The following LINGO2 variants were observed in gnomAD, a reference collection of about 807,000 sequenced individuals.
LINGO2 encodes leucine-rich repeat and immunoglobulin-like domain-containing nogo receptor-interacting protein 2.
Under a neutral mutation model 30.6 loss-of-function variants are expected in LINGO2, and 14 were observed. That is an observed-to-expected ratio of 0.46 (90% CI 0.30 to 0.72). The LOEUF is 0.72. LINGO2 is among the 30% of genes least tolerant of loss of function. LINGO2 has a pLI of 0.07. For missense variants in LINGO2, 729 were observed against 751.7 expected (o/e 0.97, Z 0.35); for synonymous variants, 317 against 288.5 (o/e 1.10, Z -1.00).
the LINGO2 span, among the ~76,000 whole-genome samples, chr9:28,961,496 C>A: frequency 6.6e-6 from 1 of 152,106 alleles, no homozygotes. Flanking sequence ...CTTTTGGGCT[C>A]AGGAGAAGAT....
At chr9:29,103,993 C>A in the LINGO2 span, among the ~76,000 whole-genome samples, 1 of 152,270 alleles carries the variant, frequency 6.6e-6, no homozygotes, top group East Asian at 1.9e-4. Context: ...ACTCAGTTAT[C>A]AGGATTAAAT....
chr9:28,293,391 C>A (rs1447327245), intron 4 of LINGO2, among the ~76,000 whole-genome samples: 1 of 152,132 alleles, frequency 6.6e-6, no homozygotes, highest in Non-Finnish European at 1.5e-5. Flanking sequence ...AGCCACTGTA[C>A]CCAGCCACAA....
chr9:28,289,010 G>A (rs73431322), intron 4 of LINGO2, among the ~76,000 whole-genome samples: 1 of 152,070 alleles, frequency 6.6e-6, no homozygotes, highest in Admixed American at 6.5e-5. Context: ...GTAATCCTAA[G>A]CTTGGCAAAT....
intron 5 of LINGO2, among the ~76,000 whole-genome samples, chr9:28,001,752 A>G (rs1821967704): frequency 1.3e-5 from 2 of 152,192 alleles, no homozygotes; most frequent in African/African-American, 2.4e-5. Flanking sequence ...TTCAAGTCTG[A>G]AGGAAACTAG....
At chr9:28,091,142 A>C (rs1454749377) in intron 4 of LINGO2, among the ~76,000 whole-genome samples, 1 of 152,208 alleles carries the variant, frequency 6.6e-6, no homozygotes, top group African/African-American at 2.4e-5. Flanking sequence ...ATATTGCCCA[A>C]GGTAATTTAT....
At chr9:28,013,608 T>G (rs1035638835) in intron 4 of LINGO2, among the ~76,000 whole-genome samples, 1 of 152,224 alleles carries the variant, frequency 6.6e-6, no homozygotes, top group Non-Finnish European at 1.5e-5. Flanking sequence ...AAGAAGCTGA[T>G]AGTAAGTAGC....
the LINGO2 span, among the ~76,000 whole-genome samples, chr9:28,709,965 G>A: frequency 2.7e-4 from 41 of 151,322 alleles, 1 homozygote; most frequent in African/African-American, 9.5e-4. Flanking sequence ...TATATTTTAT[G>A]CTTTTAGTAT....
the LINGO2 span, among the ~76,000 whole-genome samples, chr9:28,721,972 G>A: frequency 4.6e-5 from 7 of 151,706 alleles, no homozygotes; most frequent in East Asian, 1.9e-4. Context: ...TATTATATAC[G>A]TATGAAAAAT....
At chr9:28,620,765 G>A (rs966651223) in intron 1 of LINGO2, among the ~76,000 whole-genome samples, 2 of 152,044 alleles carry the variant, frequency 1.3e-5, no homozygotes. Context: ...TTATAAGTGG[G>A]AGCTAAATGA....
intron 2 of LINGO2, among the ~76,000 whole-genome samples, chr9:28,445,563 G>T (rs2135041892): frequency 6.6e-6 from 1 of 151,898 alleles, no homozygotes; most frequent in Non-Finnish European, 1.5e-5. Context: ...ATTTAAAATT[G>T]TTATTTTTTT....
At chr9:29,189,602 C>T in the LINGO2 span, among the ~76,000 whole-genome samples, 1 of 151,948 alleles carries the variant, frequency 6.6e-6, no homozygotes, top group African/African-American at 2.4e-5. Flanking sequence ...TCCTCACTTC[C>T]CAGACGGGGT....
rs1346934210 is a variant in LINGO2, at chr9:28,583,881, T to A, written c.-365+86319A>T. Among the ~76,000 whole-genome samples the A allele has an allele frequency of 2.0e-5, 3 of 152,186 alleles. No homozygotes were observed. In the South Asian group the frequency reaches 6.2e-4, roughly 32 times the overall value. On this transcript the variant is annotated intron_variant, in intron 1 of 5. Coordinates refer to ENST00000379992, the Ensembl canonical transcript of LINGO2. Reference sequence around the variant, plus strand: ...ATAACTTTAAAAGGTTATTAGGTCATGAAGGTTCTTCCCTATTGAATGGAT... The same window carrying A: ...ATAACTTTAAAAGGTTATTAGGTCAAGAAGGTTCTTCCCTATTGAATGGAT...
intron 4 of LINGO2, among the ~76,000 whole-genome samples, chr9:28,128,344 G>T (rs915916444): frequency 3.3e-5 from 5 of 152,124 alleles, no homozygotes; most frequent in African/African-American, 1.2e-4. Context: ...AGCCCTAATT[G>T]TCATTATGAA....
chr9:29,203,306 A>T, the LINGO2 span, among the ~76,000 whole-genome samples: 1 of 152,202 alleles, frequency 6.6e-6, no homozygotes, highest in South Asian at 2.1e-4. Context: ...GTAATCTGCT[A>T]CAGACTTCAG....
rs145736286 is a variant in LINGO2, at chr9:28,026,566, T to C, written c.-86-14161A>G. ...TTACTGCACTACTGCATTCTTACCA[T>C]GGGGACCCCAAGTTATAAAGCTTGC... is the stretch of plus-strand genomic sequence containing the variant. On this transcript the variant is annotated intron_variant, in intron 4 of 5. Transcript: ENST00000379992. Among the ~76,000 whole-genome samples the C allele has an allele frequency of 1.9e-3, 284 of 152,308 alleles. 2 individuals carry two copies. The highest frequency in any genetic ancestry group is 0.014 in the Middle Eastern group (4 of 294).
At chr9:28,081,615 A>T (rs1228258729) in intron 4 of LINGO2, among the ~76,000 whole-genome samples, 1 of 152,226 alleles carries the variant, frequency 6.6e-6, no homozygotes, top group East Asian at 1.9e-4. Flanking sequence ...TATTGATGGA[A>T]ATCTCAGCTC....
intron 2 of LINGO2, among the ~76,000 whole-genome samples, chr9:28,387,398 C>G (rs1821629404): frequency 6.6e-6 from 1 of 152,184 alleles, no homozygotes; most frequent in Non-Finnish European, 1.5e-5. Context: ...AATCAGTGCT[C>G]TATAAAATGG....
the LINGO2 span, among the ~76,000 whole-genome samples, chr9:29,161,953 T>C: frequency 6.6e-6 from 1 of 151,718 alleles, no homozygotes; most frequent in Non-Finnish European, 1.5e-5. Flanking sequence ...AGAGTCTTGC[T>C]CTGTTGCCCA....
At chr9:28,866,625 G>A in the LINGO2 span, among the ~76,000 whole-genome samples, 2 of 152,056 alleles carry the variant, frequency 1.3e-5, no homozygotes, top group Admixed American at 6.6e-5. Flanking sequence ...TACACAATAT[G>A]GTACATTGCA....
Sources: allele counts gnomAD v4.1 joint callset (sites outside exome capture counted in the v4.1 genomes callset), GRCh38; gene constraint gnomAD v4.1.1; transcripts MANE v1.5; gene names NCBI Gene and HGNC (gene_info 2026-07-23, HGNC 2026-07-21).